The following NTHL1 variants were observed in gnomAD, a reference collection of about 807,000 sequenced individuals.
NTHL1 encodes nth like DNA glycosylase 1.
A neutral mutation model predicts 32.3 loss-of-function variants in NTHL1; 32 were observed. That is an observed-to-expected ratio of 0.99 (90% CI 0.75 to 1.33). The LOEUF (loss-of-function observed/expected upper bound fraction) is 1.33, where lower values mean the gene tolerates loss of function less well. Among genes scored for constraint, NTHL1 ranks in the 40% most tolerant of loss-of-function variants. NTHL1 has a pLI of 0.00. For synonymous variants in NTHL1, 188 were observed against 176.9 expected (o/e 1.06, Z -0.50); for missense variants, 501 against 414.1 (o/e 1.21, Z -1.82).
chr16:2,044,958 T>C lies in NTHL1; in HGVS notation c.355-158A>G, dbSNP rs1321863026. 1 of 721,706 alleles carries C rather than the reference T, an allele frequency of 1.4e-6. No homozygotes were observed. The highest frequency in any genetic ancestry group is 1.8e-5 in the African/African-American group (1 of 56,140). The allele number at this position is 721,706 out of a possible 1,614,324, so 44.7% of individuals were successfully genotyped here. ...GGGGTGGGGAGGTCTGGTTTGGGTA[T>C]GTTTGGTCATCTACAACACCAGGAC... On this transcript the variant is annotated intron_variant, in intron 2 of 5. Transcript: ENST00000651570. The surrounding 1 kb of genome is among the most constrained non-coding windows in gnomAD (Gnocchi z 5.0).
intron 2 of NTHL1, 39 bp downstream of exon 2, chr16:2,046,089 A>C: frequency 4.5e-6 from 7 of 1,543,554 alleles, no homozygotes; most frequent in Non-Finnish European, 6.3e-6. Context: ...GACCTTGCTA[A>C]GATGGGGGGT....
At position 2,047,794 on chromosome 16, in the gene NTHL1, G is replaced by T. The variant is rs1036151129; in HGVS notation, c.30C>A (p.Thr10=). ...CCCCGGGTCCCAGGCTCCGGCTCCG[G>T]GTCAGCATCCTCGCGCTCAAGGCGG... MTALSARML[T]RSRSLGPGAG... The change falls in exon 1 of 6, where the codon ACC becomes ACA. Residue 10 remains threonine (T), a synonymous_variant. Transcript: ENST00000651570. The T allele has an allele frequency of 1.3e-6, 2 of 1,591,616 alleles. No individual in the cohort carries two copies. The highest frequency in any genetic ancestry group is 1.7e-6 in the Non-Finnish European group (2 of 1,174,164).
chr16:2,045,352 C>G (rs1473021910), intron 2 of NTHL1, among the ~76,000 whole-genome samples: 6 of 152,116 alleles, frequency 3.9e-5, no homozygotes, highest in African/African-American at 1.4e-4. Context: ...AAAAACCCAA[C>G]ACGATCGTAT....
chr16:2,043,734 A>G lies in NTHL1; in HGVS notation c.526-8T>C, dbSNP rs1450416555. ...GATGTATTTCACCTTGCTCTGAAAG[A>G]CAGGGGTGGGTTCAGCCTTGGAGGC... is the stretch of plus-strand genomic sequence containing the variant. On this transcript the variant is annotated splice_polypyrimidine_tract_variant and splice_region_variant and intron_variant, in intron 3 of 5. Transcript: ENST00000651570. This position sits in a 1 kb window ranked among gnomAD's most constrained non-coding sequence, Gnocchi z 4.4. 1.9e-6 allele frequency: 3 copies of G among 1,611,094 alleles called. No individual in the cohort carries two copies. Among genetic ancestry groups the G allele is most frequent in the Non-Finnish European group, 2.5e-6 (3 of 1,179,946 alleles).
Position 2,039,971 on chromosome 16 carries a change from GGCAGCGAGGGT to G in NTHL1, c.857_867del (p.His286ProfsTer32). The G allele has an allele frequency of 6.2e-7, 1 of 1,608,672 alleles. No homozygotes were observed. The highest frequency in any genetic ancestry group is 8.5e-7 in the Non-Finnish European group (1 of 1,179,946). ...CAGAGGGCTTGGTTGAGGCAGGCGT[GGCAGCGAGGGT>G]GCACAGGCAGACAGGTCTGCTGGCC... On this transcript the variant is annotated frameshift_variant, in exon 6 of 6. Transcript: ENST00000651570. LOFTEE classifies it high-confidence loss of function.
In NTHL1 at chr16:2,044,215, C is replaced by T. The variant is rs998526453; in HGVS notation, c.525+415G>A. 4 of 351,680 alleles carry T rather than the reference C, an allele frequency of 1.1e-5. No homozygotes were observed. Among genetic ancestry groups the T allele is most frequent in the Non-Finnish European group, 2.2e-5 (4 of 183,902 alleles). 21.8% of individuals were successfully genotyped at this position (351,680 alleles called of 1,614,324 possible). ...GGAAGCGGCCCCACCCACCAAGCTG[C>T]TTTCAACAGATCCGCCCACCACCAT... On this transcript the variant is annotated intron_variant, in intron 3 of 5. Transcript: ENST00000651570. The surrounding 1 kb of genome is among the most constrained non-coding windows in gnomAD (Gnocchi z 5.0).
intron 2 of NTHL1, among the ~76,000 whole-genome samples, 128 bp downstream of exon 2, chr16:2,045,974 ACAGTGATGCAGGCGATGCTCTGGGGC>A: frequency 6.6e-6 from 1 of 152,334 alleles, no homozygotes; most frequent in South Asian, 2.1e-4. Flanking sequence ...CTGAGTGGCT[ACAGTGATGCAGGCGATGCTCTGGGGC>A]ACCGGGTGTC....
At chr16:2,042,651 G>A (rs527376030) in intron 4 of NTHL1, among the ~76,000 whole-genome samples, 1 of 152,190 alleles carries the variant, frequency 6.6e-6, no homozygotes, top group Admixed American at 6.5e-5. Context: ...GGACAAAGCC[G>A]AGGAGGAGGC....
In NTHL1 at chr16:2,044,602, G is replaced by A. The variant is rs370384669; in HGVS notation, c.525+28C>T. The A allele has an allele frequency of 2.9e-5, 46 of 1,598,742 alleles. 1 individual carries two copies. The highest frequency in any genetic ancestry group is 2.8e-4 in the African/African-American group (21 of 74,976). ...GGTCTCTCTCAGGCCACTGCCACCC[G>A]GCCCCCGTTGCCACAGGCAGGGCTC... On this transcript the variant is annotated intron_variant, in intron 3 of 5. Coordinates refer to ENST00000651570, the MANE Select transcript of NTHL1 (RefSeq NM_002528.7). This position sits in a 1 kb window ranked among gnomAD's most constrained non-coding sequence, Gnocchi z 5.0.
At chr16:2,040,402 C>A in intron 4 of NTHL1, 164 bp from the exon 5 acceptor site, 1 of 709,586 alleles carries the variant, frequency 1.4e-6, no homozygotes, top group Non-Finnish European at 2.5e-6. Context: ...CTTGGCTGCC[C>A]CTGAGGTGCT....
At position 2,045,531 on chromosome 16, in the gene NTHL1, G is replaced by T. The variant is rs181497235; in HGVS notation, c.354+597C>A. ...GGCTCACTGCAACCTCCGCCTCCGGGGTTCAAGCGATTTTCCTGCCTCGCC... is the reference window on the plus strand; with the variant it reads ...GGCTCACTGCAACCTCCGCCTCCGGTGTTCAAGCGATTTTCCTGCCTCGCC... On this transcript the variant is annotated intron_variant, in intron 2 of 5. Transcript: ENST00000651570. Among the ~76,000 whole-genome samples, 897 of 152,180 alleles carry T rather than the reference G, an allele frequency of 5.9e-3. 7 individuals carry two copies. Among genetic ancestry groups the T allele is most frequent in the Middle Eastern group, 0.044 (13 of 294 alleles).
Position 2,043,736 on chromosome 16 carries a change from A to C in NTHL1, c.526-10T>G, listed in dbSNP as rs199771569. On this transcript the variant is annotated splice_polypyrimidine_tract_variant and intron_variant, in intron 3 of 5. Coordinates refer to ENST00000651570, the MANE Select transcript of NTHL1 (RefSeq NM_002528.7). This position sits in a 1 kb window ranked among gnomAD's most constrained non-coding sequence, Gnocchi z 4.4. Reference sequence around the variant, plus strand: ...TGTATTTCACCTTGCTCTGAAAGACAGGGGTGGGTTCAGCCTTGGAGGCAA... The same window carrying C: ...TGTATTTCACCTTGCTCTGAAAGACCGGGGTGGGTTCAGCCTTGGAGGCAA... 2.9e-5 allele frequency: 46 copies of C among 1,610,740 alleles called. No homozygotes were observed. The highest frequency in any genetic ancestry group is 3.9e-5 in the Non-Finnish European group (46 of 1,179,714).
At position 2,041,990 on chromosome 16, in the gene NTHL1, T is replaced by C. The variant is rs961492846; in HGVS notation, c.685+1577A>G. On this transcript the variant is annotated intron_variant, in intron 4 of 5. Coordinates refer to ENST00000651570, the MANE Select transcript of NTHL1 (RefSeq NM_002528.7). The stretch of plus-strand genomic sequence containing the variant: ...CTGATCTTGAACTCCTGACCTCAGG[T>C]GATCCACATACCTCGGCCTTCCAAA... 3 of 454,496 alleles carry C rather than the reference T, an allele frequency of 6.6e-6. No homozygotes were observed. In the Admixed American group the frequency reaches 7.1e-5, roughly 11 times the overall value. The allele number at this position is 454,496 out of a possible 1,614,324, so 28.2% of individuals were successfully genotyped here.
rs369651668 is a variant in NTHL1 at position 2,044,834 on chromosome 16, C to T, written c.355-34G>A. On this transcript the variant is annotated intron_variant, in intron 2 of 5. Coordinates refer to ENST00000651570, the MANE Select transcript of NTHL1 (RefSeq NM_002528.7). The surrounding 1 kb of genome is among the most constrained non-coding windows in gnomAD (Gnocchi z 5.0). ...GCAGTGACAGGGACCGGGGTGGCGG[C>T]GGGTCCTGGGTGATTCCCTGGCCAG... 808 of 1,552,902 alleles carry T rather than the reference C, an allele frequency of 5.2e-4. 2 individuals are homozygous for T. Among genetic ancestry groups the T allele is most frequent in the Non-Finnish European group, 5.7e-4 (659 of 1,147,076 alleles).
chr16:2,045,135 G>C (rs2084327028), intron 2 of NTHL1, among the ~76,000 whole-genome samples: 1 of 152,098 alleles, frequency 6.6e-6, no homozygotes, highest in Admixed American at 6.5e-5. Context: ...TCAGGAGTTT[G>C]AGACCAGCCT....
chr16:2,042,893 A>T (rs1368151324), intron 4 of NTHL1, among the ~76,000 whole-genome samples: 1 of 59,362 alleles, frequency 1.7e-5, no homozygotes, highest in Non-Finnish European at 3.2e-5. Context: ...CTCCTCCCCC[A>T]TTCCCCCAGC....
At chr16:2,046,003 C>G (rs751759024) in intron 2 of NTHL1, 125 bp downstream of exon 2, 2 of 749,938 alleles carry the variant, frequency 2.7e-6, no homozygotes, top group Admixed American at 4.0e-5. Context: ...TCTGGGGCAC[C>G]GGGTGTCCAT....
chr16:2,045,471 C>T (rs919860598), intron 2 of NTHL1, among the ~76,000 whole-genome samples: 5 of 152,048 alleles, frequency 3.3e-5, no homozygotes, highest in Admixed American at 6.6e-5. Context: ...CAGTATCACT[C>T]TTTCACCCAG....
intron 2 of NTHL1, among the ~76,000 whole-genome samples, chr16:2,045,898 C>T (rs997378101): frequency 6.6e-5 from 10 of 152,164 alleles, no homozygotes; most frequent in African/African-American, 2.4e-4. Context: ...CACACAAAGC[C>T]CAGGTCACGC....
Sources: allele counts gnomAD v4.1 joint callset (sites outside exome capture counted in the v4.1 genomes callset), GRCh38; gene constraint gnomAD v4.1.1; non-coding constraint Gnocchi (gnomAD v3.1); transcripts MANE v1.5; gene names NCBI Gene and HGNC (gene_info 2026-07-23, HGNC 2026-07-21).